Variants in NOL7 observed in about 807,000 individuals in gnomAD.
NOL7 encodes the protein nucleolar protein 7.
A neutral mutation model predicts 38.4 loss-of-function variants in NOL7; 36 were observed. That is an observed-to-expected ratio of 0.94 (90% CI 0.72 to 1.24). The LOEUF is 1.24. NOL7 is among the 50% of genes most tolerant of loss of function. NOL7 has a pLI of 0.00. For missense variants in NOL7, 350 were observed against 315.1 expected, an observed-to-expected ratio of 1.11 and a Z score of -0.84; for synonymous variants, 142 against 126.5, an observed-to-expected ratio of 1.12 and a Z score of -0.82.
intron 5 of NOL7, among the ~76,000 whole-genome samples, chr6:13,619,685 C>T (rs550456174): frequency 8.3e-4 from 126 of 152,254 alleles, no homozygotes; most frequent in African/African-American, 2.7e-3. Flanking sequence ...GGAACAAGTT[C>T]TTCAGTTGGA....
At position 13,615,725 on chromosome 6, in the gene NOL7, C is replaced by A. The variant is rs143073366; in HGVS notation, c.280C>A (p.Leu94Met). Residue 94 changes from leucine to methionine, a missense_variant, in exon 2 of 8, where the codon CTG becomes ATG. Physicochemically the swap from Leu to Met is conservative, Grantham distance 15. Transcript: ENST00000451315. ...CCTTCCTCCCAGGGATAAAACGCTC[C>A]TGAAGGAGAAGAGGAAGCGACGCGA... ...RETVRRDKTL[L>M]KEKRKRREEL... The A allele has an allele frequency of 3.5e-5, 57 of 1,614,240 alleles. No individual in the cohort carries two copies. In the African/African-American group the frequency reaches 6.0e-4, roughly 17 times the overall value.
downstream of NOL7, among the ~76,000 whole-genome samples, chr6:13,623,011 CAGTG>C (rs552330875): frequency 1.4e-3 from 212 of 152,152 alleles, 2 homozygotes; most frequent in African/African-American, 4.7e-3. Flanking sequence ...GTGGTGGTGA[CAGTG>C]AGAGAACATA....
At chr6:13,632,392 G>A (rs754425265) in intron 8 of NOL7, 2 of 1,606,678 alleles carry the variant, frequency 1.2e-6, no homozygotes, top group Non-Finnish European at 1.7e-6. Flanking sequence ...TTTGTTTGCA[G>A]TGTTCTTGCC....
chr6:13,622,768 G>C (rs984331711), downstream of NOL7, among the ~76,000 whole-genome samples: 1 of 152,186 alleles, frequency 6.6e-6, no homozygotes, highest in African/African-American at 2.4e-5. Flanking sequence ...TATTAACTAT[G>C]ATGGGAAAGG....
chr6:13,620,122 G>A, intron 5 of NOL7, 86 bp from the exon 6 acceptor site: 1 of 1,449,412 alleles, frequency 6.9e-7, no homozygotes, highest in Non-Finnish European at 9.2e-7. Context: ...CAGCCTGGGT[G>A]ACAGAGCGAG....
chr6:13,631,716 A>C (rs1764787154), intron 8 of NOL7, among the ~76,000 whole-genome samples: 3 of 152,226 alleles, frequency 2.0e-5, no homozygotes, highest in African/African-American at 7.2e-5. Context: ...AAAGAGCTGT[A>C]CATCTCTACA....
chr6:13,624,162 C>T (rs780034706), downstream of NOL7, among the ~76,000 whole-genome samples: 7 of 152,166 alleles, frequency 4.6e-5, no homozygotes, highest in Admixed American at 1.3e-4. Flanking sequence ...TTCCGGAGAA[C>T]TACAACACTG....
downstream of NOL7, chr6:13,622,576 C>G: frequency 7.3e-7 from 1 of 1,364,846 alleles, no homozygotes; most frequent in Non-Finnish European, 9.8e-7. Context: ...ACTGCAATGA[C>G]TTTAAAAACT....
At chr6:13,618,263 C>T (rs913691382) in intron 5 of NOL7, 124 bp downstream of exon 5, 10 of 281,442 alleles carry the variant, frequency 3.6e-5, no homozygotes, top group Admixed American at 5.6e-5. Flanking sequence ...TTTTTTGAGA[C>T]GGAGTCTCGC....
intron 2 of NOL7, among the ~76,000 whole-genome samples, chr6:13,616,009 C>CT (rs1764274139): frequency 6.6e-6 from 1 of 152,162 alleles, no homozygotes; most frequent in African/African-American, 2.4e-5. Context: ...GCGCTCCAGC[C>CT]TGGGCGACAG....
At chr6:13,625,537 A>T (rs879753462), downstream of NOL7, 25 of 604,034 alleles carry the variant, frequency 4.1e-5, no homozygotes, top group South Asian at 6.7e-4. Flanking sequence ...TATATTTTAA[A>T]AATATAGAAA....
At chr6:13,618,409 G>C (rs1051134573) in intron 5 of NOL7, among the ~76,000 whole-genome samples, 1 of 151,192 alleles carries the variant, frequency 6.6e-6, no homozygotes, top group African/African-American at 2.4e-5. Context: ...CACCGCGCCC[G>C]GCTAATTTTT....
chr6:13,616,071 A>G (rs1239649410), intron 2 of NOL7, among the ~76,000 whole-genome samples: 3 of 152,226 alleles, frequency 2.0e-5, no homozygotes, highest in Admixed American at 1.3e-4. Context: ...GTGTCCACCA[A>G]CTGAAAATAA....
At chr6:13,622,917 C>T (rs556508216), downstream of NOL7, among the ~76,000 whole-genome samples, 2 of 152,268 alleles carry the variant, frequency 1.3e-5, no homozygotes, top group East Asian at 3.9e-4. Flanking sequence ...GTTCTTCCAC[C>T]TCTGTGGATA....
chr6:13,619,396 CATTT>C (rs1404293679), intron 5 of NOL7, among the ~76,000 whole-genome samples: 4 of 152,306 alleles, frequency 2.6e-5, no homozygotes, highest in South Asian at 4.1e-4. Flanking sequence ...CACAGGCATT[CATTT>C]GAGTTGCATT....
chr6:13,620,370 A>G (rs756841498), intron 6 of NOL7, 38 bp from the exon 7 acceptor site: 1 of 1,613,902 alleles, frequency 6.2e-7, no homozygotes, highest in Non-Finnish European at 8.5e-7. Context: ...TTTTACTGCA[A>G]ATAAAACTGT....
intron 4 of NOL7, 21 bp downstream of exon 4, chr6:13,617,822 C>T: frequency 6.2e-7 from 1 of 1,607,144 alleles, no homozygotes; most frequent in African/African-American, 1.3e-5. Context: ...TCTAATTTAA[C>T]TAACTTCTCA....
Position 13,618,049 on chromosome 6 carries a change from A to T in NOL7, c.419-9A>T. On this transcript the variant is annotated splice_polypyrimidine_tract_variant and intron_variant, in intron 4 of 7. Coordinates refer to ENST00000451315, the MANE Select transcript of NOL7 (RefSeq NM_016167.5). ...AATGCTAATTAGAAAATGTAACTCT[A>T]TTTTTTAGTTAATTTGCAAAAGAAA... The T allele has an allele frequency of 1.4e-6, 2 of 1,417,896 alleles. No homozygotes were observed. The highest frequency in any genetic ancestry group is 2.9e-5 in the African/African-American group (2 of 70,084). The allele number at this position is 1,417,896 out of a possible 1,614,324, so 87.8% of individuals were successfully genotyped here.
At chr6:13,622,960 CAT>C (rs905700772), downstream of NOL7, among the ~76,000 whole-genome samples, 2 of 152,142 alleles carry the variant, frequency 1.3e-5, no homozygotes, top group Non-Finnish European at 2.9e-5. Flanking sequence ...ATCTCCAAGG[CAT>C]ATATAGGTAA....
Sources: allele counts gnomAD v4.1 joint callset (sites outside exome capture counted in the v4.1 genomes callset), GRCh38; gene constraint gnomAD v4.1.1; transcripts MANE v1.5; gene names NCBI Gene and HGNC (gene_info 2026-07-23, HGNC 2026-07-21).